PMCH: variants seen among roughly 807,000 people sequenced by gnomAD.
PMCH encodes pro-melanin concentrating hormone, also known as pro-MCH.
Under a neutral mutation model 15.9 loss-of-function variants are expected in PMCH, and 8 were observed. The observed-to-expected ratio is 0.50, with a 90% confidence interval of 0.29 to 0.91. The LOEUF (loss-of-function observed/expected upper bound fraction) is 0.91, where lower values mean the gene tolerates loss of function less well. PMCH is among the 40% of genes least tolerant of loss of function. The pLI, the probability that PMCH is intolerant of heterozygous loss-of-function variation, is 0.07. For missense variants in PMCH, 169 were observed against 185.7 expected (o/e 0.91, Z 0.52); for synonymous variants, 73 against 63.8 (o/e 1.14, Z -0.69).
chr12:102,196,559 T>TA lies in PMCH; in HGVS notation c.*92dup. 1 of 910,594 alleles carries TA rather than the reference T, an allele frequency of 1.1e-6. No individual in the cohort carries two copies. Among genetic ancestry groups the TA allele is most frequent in the Non-Finnish European group, 1.8e-6 (1 of 544,804 alleles). 56.4% of individuals were successfully genotyped at this position (910,594 alleles called of 1,614,324 possible). A position where few individuals can be genotyped will look rare whatever the true frequency, so the allele number is the denominator to read the frequency against. On this transcript the variant is annotated 3_prime_UTR_variant, in exon 3 of 3. Coordinates refer to ENST00000329406, the MANE Select transcript of PMCH (RefSeq NM_002674.4). The stretch of plus-strand genomic sequence containing the variant: ...TTTCTTTTAAAACAGACATTTAACA[T>TA]ACACAAGTTATAGTAGCAGTATGGG...
Position 102,196,550 on chromosome 12 carries a change from C to T in PMCH, c.*102G>A. On this transcript the variant is annotated 3_prime_UTR_variant, in exon 3 of 3. Coordinates refer to ENST00000329406, the MANE Select transcript of PMCH (RefSeq NM_002674.4). Reference sequence around the variant, plus strand: ...TAACACTACTTTCTTTTAAAACAGACATTTAACATACACAAGTTATAGTAG... The same window carrying T: ...TAACACTACTTTCTTTTAAAACAGATATTTAACATACACAAGTTATAGTAG... 1.1e-6 allele frequency: 1 copy of T among 876,576 alleles called. No individual in the cohort carries two copies. The highest frequency in any genetic ancestry group is 1.9e-6 in the Non-Finnish European group (1 of 516,234). The allele number at this position is 876,576 out of a possible 1,614,324, so 54.3% of individuals were successfully genotyped here.
Position 102,197,556 on chromosome 12 carries a change from C to G in PMCH, c.215G>C (p.Ser72Thr), listed in dbSNP as rs910944538. 6.2e-7 allele frequency: 1 copy of G among 1,610,438 alleles called. No individual in the cohort carries two copies. The highest frequency in any genetic ancestry group is 1.7e-5 in the Admixed American group (1 of 59,770). Residue 72 changes from serine to threonine, a missense_variant, in exon 1 of 3, where the codon AGT (serine) becomes ACT (threonine). Coordinates refer to ENST00000329406, the MANE Select transcript of PMCH (RefSeq NM_002674.4). ...TTTATTTTCCTCTTCGTTCATGAAA[C>G]TGCTCTCATCATTTTTATATTGTTC... is the stretch of plus-strand genomic sequence containing the variant. ...SLEQYKNDES[S>T]FMNEEENKVS...
rs747308628 is a variant in PMCH at position 102,196,991 on chromosome 12, C to A, written c.430G>T (p.Gly144Ter). 1 of 1,611,284 alleles carries A rather than the reference C, an allele frequency of 6.2e-7. No individual in the cohort carries two copies. The highest frequency in any genetic ancestry group is 1.1e-5 in the South Asian group (1 of 91,008). Residue 144 changes from glycine (G) to a stop codon, truncating the protein, a stop_gained, in exon 2 of 3, where the codon GGA (glycine) becomes TGA (stop). Transcript: ENST00000329406. LOFTEE classifies it high-confidence loss of function. ...DEENSAKFPIGRRDFDMLRCM... is the reference protein window; with the variant it reads ...DEENSAKFPI ...TACTCACTGTCAAAATCTCTCCTTC[C>A]TATAGGAAATTTAGCTGAGTTTTCT... is the stretch of plus-strand genomic sequence containing the variant.
intron 1 of PMCH, 98 bp from the exon 2 acceptor site, chr12:102,197,269 C>G: frequency 9.5e-7 from 1 of 1,057,054 alleles, no homozygotes; most frequent in Non-Finnish European, 1.4e-6. Context: ...CAAAGTTACT[C>G]TGCACTGTTT....
At position 102,197,128 on chromosome 12, in the gene PMCH, A is replaced by G; in HGVS notation, c.293T>C (p.Leu98Pro). The part of the protein sequence containing the change: ...KHNFLNHGLP[L>P]NLAIKPYLAL... ...AAGATAAGGTTTTATAGCCAGATTC[A>G]GTGGCAGACCATGATTTAAGAAATT... The change falls in exon 2 of 3, where the codon CTG becomes CCG. Residue 98 changes from leucine to proline, a missense_variant. Coordinates refer to ENST00000329406, the MANE Select transcript of PMCH (RefSeq NM_002674.4). 1 of 1,612,312 alleles carries G rather than the reference A, an allele frequency of 6.2e-7. No homozygotes were observed. Among genetic ancestry groups the G allele is most frequent in the Non-Finnish European group, 8.5e-7 (1 of 1,178,708 alleles).
rs1387079412 is a variant in PMCH, at chr12:102,197,607, T to G, written c.164A>C (p.Glu55Ala). The change falls in exon 1 of 3, where the codon GAA (glutamate) becomes GCA (alanine). Residue 55 changes from glutamate to alanine, a missense_variant. By Grantham distance (107) the Glu-to-Ala change is moderately radical. Coordinates refer to ENST00000329406, the MANE Select transcript of PMCH (RefSeq NM_002674.4). ...CAGGGAAGGAGCAATAACTGATTTT[T>G]CTGCAGTGTCTTCCTTCTGAAAGCC... ...GKGFQKEDTA[E>A]KSVIAPSLEQ... The G allele has an allele frequency of 8.1e-6, 13 of 1,611,868 alleles. No individual in the cohort carries two copies. The highest frequency in any genetic ancestry group is 1.3e-5 in the African/African-American group (1 of 74,946).
At chr12:102,197,418 G>A in intron 1 of PMCH, 104 bp downstream of exon 1, 1 of 1,070,606 alleles carries the variant, frequency 9.3e-7, no homozygotes, top group South Asian at 1.6e-5. Context: ...GTGACTGTTT[G>A]CATATACTTC....
Position 102,196,538 on chromosome 12 carries a change from T to C in PMCH, c.*114A>G, listed in dbSNP as rs891473842. Reference sequence around the variant, plus strand: ...ACTGATACATCTTAACACTACTTTCTTTTAAAACAGACATTTAACATACAC... The same window carrying C: ...ACTGATACATCTTAACACTACTTTCCTTTAAAACAGACATTTAACATACAC... On this transcript the variant is annotated 3_prime_UTR_variant, in exon 3 of 3. Coordinates refer to ENST00000329406, the MANE Select transcript of PMCH (RefSeq NM_002674.4). 2 of 849,532 alleles carry C rather than the reference T, an allele frequency of 2.4e-6. No homozygotes were observed. Among genetic ancestry groups the C allele is most frequent in the Non-Finnish European group, 4.0e-6 (2 of 497,210 alleles). 52.6% of individuals were successfully genotyped at this position (849,532 alleles called of 1,614,324 possible).
Position 102,197,090 on chromosome 12 carries a change from A to G in PMCH, c.331T>C (p.Ser111Pro). ...CCATTCTCAGCTGGGAAAGCTACAGATCCTTTTAGTGCAAGATAAGGTTTT... is the reference window on the plus strand; with the variant it reads ...CCATTCTCAGCTGGGAAAGCTACAGGTCCTTTTAGTGCAAGATAAGGTTTT... Reference protein sequence around the residue: ...AIKPYLALKGSVAFPAENGVQ... With the variant: ...AIKPYLALKGPVAFPAENGVQ... Residue 111 changes from serine (S) to proline (P), a missense_variant, in exon 2 of 3, where the codon TCT (serine) becomes CCT (proline). Physicochemically the swap from Ser to Pro is moderately conservative, Grantham distance 74. Transcript: ENST00000329406. The G allele has an allele frequency of 6.2e-7, 1 of 1,612,138 alleles. No individual in the cohort carries two copies. The highest frequency in any genetic ancestry group is 8.5e-7 in the Non-Finnish European group (1 of 1,178,626).
At chr12:102,197,486 T>G in intron 1 of PMCH, 36 bp downstream of exon 1, 1 of 1,546,178 alleles carries the variant, frequency 6.5e-7, no homozygotes, top group Non-Finnish European at 8.7e-7. Context: ...ATTTAAATTT[T>G]CATTGAAATA....
rs550882139 is a variant in PMCH at position 102,197,546 on chromosome 12, G to T, written c.225C>A (p.Asn75Lys). The T allele has an allele frequency of 6.2e-7, 1 of 1,607,420 alleles. No homozygotes were observed. Among genetic ancestry groups the T allele is most frequent in the Admixed American group, 1.7e-5 (1 of 59,316 alleles). The part of the protein sequence containing the change: ...QYKNDESSFM[N>K]EEENKVSKNT... ...CCTTTGAAACTTTATTTTCCTCTTC[G>T]TTCATGAAACTGCTCTCATCATTTT... The change falls in exon 1 of 3, where the codon AAC (asparagine) becomes AAA (lysine). Residue 75 changes from asparagine to lysine, a missense_variant. Asn to Lys is a moderately conservative substitution (Grantham distance 94). Coordinates refer to ENST00000329406, the MANE Select transcript of PMCH (RefSeq NM_002674.4).
chr12:102,196,969 T>G lies in PMCH; in HGVS notation c.448+4A>C. ...AAGAATTGAATTTTGAAAAGACTAC[T>G]CACTGTCAAAATCTCTCCTTCCTAT... On this transcript the variant is annotated splice_donor_region_variant and intron_variant, in intron 2 of 2. Transcript: ENST00000329406. 6.2e-7 allele frequency: 1 copy of G among 1,604,576 alleles called. No individual in the cohort carries two copies. Among genetic ancestry groups the G allele is most frequent in the Non-Finnish European group, 8.5e-7 (1 of 1,172,358 alleles).
At chr12:102,197,241 T>C in intron 1 of PMCH, 70 bp from the exon 2 acceptor site, 1 of 1,223,552 alleles carries the variant, frequency 8.2e-7, no homozygotes, top group Non-Finnish European at 1.2e-6. Flanking sequence ...AATTGTATAA[T>C]ATTCTTGTTG....
In PMCH at chr12:102,197,750, A is replaced by G. The variant is rs779358214; in HGVS notation, c.21T>C (p.Ser7=). The G allele has an allele frequency of 6.9e-6, 11 of 1,585,242 alleles. No individual in the cohort carries two copies. In the African/African-American group the frequency reaches 1.5e-4, roughly 22 times the overall value. Reference sequence around the variant, plus strand: ...AAAAAGTTAGTATTAATATATAGGAAGAGAGATTCATTTTTGCCATTCTTA... The same window carrying G: ...AAAAAGTTAGTATTAATATATAGGAGGAGAGATTCATTTTTGCCATTCTTA... MAKMNL[S]SYILILTFSL... The change falls in exon 1 of 3, where the codon TCT becomes TCC. Residue 7 remains serine (S), a synonymous_variant. Coordinates refer to ENST00000329406, the MANE Select transcript of PMCH (RefSeq NM_002674.4).
chr12:102,196,553 T>G lies in PMCH; in HGVS notation c.*99A>C. ...CACTACTTTCTTTTAAAACAGACAT[T>G]TAACATACACAAGTTATAGTAGCAG... On this transcript the variant is annotated 3_prime_UTR_variant, in exon 3 of 3. Transcript: ENST00000329406. 1 of 889,676 alleles carries G rather than the reference T, an allele frequency of 1.1e-6. No individual in the cohort carries two copies. Among genetic ancestry groups the G allele is most frequent in the East Asian group, 2.4e-5 (1 of 41,596 alleles). 55.1% of individuals were successfully genotyped at this position (889,676 alleles called of 1,614,324 possible). A position where few individuals can be genotyped will look rare whatever the true frequency, so the allele number is the denominator to read the frequency against.
In PMCH at chr12:102,197,735, T is replaced by C; in HGVS notation, c.36A>G (p.Ile12Met). Residue 12 changes from isoleucine to methionine, a missense_variant, in exon 1 of 3, where the codon ATA becomes ATG. Ile to Met is a conservative substitution (Grantham distance 10). Transcript: ENST00000329406. The part of the protein sequence containing the change: ...AKMNLSSYIL[I>M]LTFSLFSQGI... ...CTTGAGAAAACAAAGAAAAAGTTAG[T>C]ATTAATATATAGGAAGAGAGATTCA... 6.3e-7 allele frequency: 1 copy of C among 1,595,910 alleles called. No individual in the cohort carries two copies. The highest frequency in any genetic ancestry group is 1.3e-5 in the African/African-American group (1 of 74,402).
intron 1 of PMCH, 108 bp from the exon 2 acceptor site, chr12:102,197,279 T>C (rs1189594958): frequency 2.0e-6 from 2 of 1,003,348 alleles, no homozygotes; most frequent in African/African-American, 3.3e-5. Flanking sequence ...CTGCACTGTT[T>C]TTGACTTTTT....
chr12:102,196,826 T>C, intron 2 of PMCH, 125 bp from the exon 3 acceptor site: 4 of 1,041,702 alleles, frequency 3.8e-6, no homozygotes, highest in South Asian at 2.8e-5. Context: ...TAATTAATTG[T>C]TGCTATTTAA....
intron 2 of PMCH, 85 bp downstream of exon 2, chr12:102,196,888 A>G (rs1258718295): frequency 6.5e-6 from 8 of 1,222,706 alleles, no homozygotes; most frequent in Non-Finnish European, 9.4e-6. Context: ...TGATTTTGTT[A>G]TGATTGCATC....
Sources: gnomAD v4.1 joint callset for allele counts on GRCh38, gnomAD v4.1.1 for gene constraint, MANE v1.5 for transcripts, NCBI Gene and HGNC (gene_info 2026-07-23, HGNC 2026-07-21) for gene names.